Variants in PPFIA2 observed in about 807,000 individuals in gnomAD.
PPFIA2 encodes the protein PPFI scaffold protein A2.
PPFIA2 carries 46 observed loss-of-function variants against 175.5 expected under a neutral mutation model. The observed-to-expected ratio is 0.26, with a 90% confidence interval of 0.21 to 0.34. The LOEUF (loss-of-function observed/expected upper bound fraction) is 0.34. Ranked by LOEUF, PPFIA2 falls within the 10% of genes least tolerant of loss-of-function variation. PPFIA2 has a pLI of 1.00. For missense variants in PPFIA2, 1,179 were observed against 1,506.1 expected (o/e 0.78, Z 3.60); for synonymous variants, 568 against 511.4 (o/e 1.11, Z -1.49).
intron 28 of PPFIA2, among the ~76,000 whole-genome samples, chr12:81,273,683 CT>C (rs1490027499): frequency 2.6e-5 from 4 of 152,128 alleles, no homozygotes. Flanking sequence ...CTCTACTTAA[CT>C]CCTTTTGTGG....
intron 4 of PPFIA2, among the ~76,000 whole-genome samples, chr12:81,667,409 T>G (rs1349587707): frequency 3.3e-5 from 5 of 152,030 alleles, no homozygotes; most frequent in Non-Finnish European, 5.9e-5. Flanking sequence ...TTGAAAACCA[T>G]TAGAATTTCC....
At chr12:81,484,305 A>G (rs570038385) in intron 4 of PPFIA2, among the ~76,000 whole-genome samples, 4 of 152,146 alleles carry the variant, frequency 2.6e-5, no homozygotes, top group Non-Finnish European at 5.9e-5. Context: ...GGTTTTAACC[A>G]CAGTGATGCT....
At chr12:81,655,146 T>C (rs1282509780) in intron 4 of PPFIA2, among the ~76,000 whole-genome samples, 1 of 152,082 alleles carries the variant, frequency 6.6e-6, no homozygotes, top group Non-Finnish European at 1.5e-5. Context: ...GGACCTATAG[T>C]GATATACTCT....
intron 4 of PPFIA2, among the ~76,000 whole-genome samples, chr12:81,491,541 C>T (rs1042799660): frequency 3.3e-5 from 5 of 151,794 alleles, no homozygotes; most frequent in Non-Finnish European, 5.9e-5. Context: ...GAGGTAATTA[C>T]TGTTAGATAA....
intron 24 of PPFIA2, among the ~76,000 whole-genome samples, chr12:81,287,564 T>C (rs1361232778): frequency 1.3e-5 from 2 of 151,952 alleles, no homozygotes; most frequent in Non-Finnish European, 2.9e-5. Context: ...TATAGTCTTG[T>C]AAAAAGCCGA....
chr12:81,272,452 A>G, intron 28 of PPFIA2, among the ~76,000 whole-genome samples: 1 of 152,102 alleles, frequency 6.6e-6, no homozygotes, highest in East Asian at 1.9e-4. Flanking sequence ...ACTCTCTTCT[A>G]CTGTTAAACC....
At chr12:81,569,432 A>C (rs540931895) in intron 4 of PPFIA2, among the ~76,000 whole-genome samples, 31 of 152,248 alleles carry the variant, frequency 2.0e-4, no homozygotes, top group Admixed American at 1.9e-3. Flanking sequence ...AATAATCTAA[A>C]CTCCGACTAC....
chr12:81,611,773 A>G (rs1040675711), intron 4 of PPFIA2, among the ~76,000 whole-genome samples: 1 of 152,146 alleles, frequency 6.6e-6, no homozygotes, highest in Non-Finnish European at 1.5e-5. Flanking sequence ...TAGAGCTGCC[A>G]GCACACAAAA....
intron 24 of PPFIA2, chr12:81,292,595 G>A (rs376408730): frequency 6.6e-6 from 1 of 152,030 alleles, no homozygotes; most frequent in Admixed American, 6.6e-5. Context: ...TTTATTGTAC[G>A]AATGGAGCAT....
At chr12:81,620,434 T>G (rs973528769) in intron 4 of PPFIA2, among the ~76,000 whole-genome samples, 2 of 151,832 alleles carry the variant, frequency 1.3e-5, no homozygotes, top group East Asian at 1.9e-4. Context: ...TAATGCATCT[T>G]TTTTTTTGTA....
At chr12:81,480,209 A>T (rs763001816) in intron 4 of PPFIA2, among the ~76,000 whole-genome samples, 2 of 151,916 alleles carry the variant, frequency 1.3e-5, no homozygotes, top group Non-Finnish European at 2.9e-5. Context: ...TTCACTATTG[A>T]TACTTGTGTA....
intron 7 of PPFIA2, among the ~76,000 whole-genome samples, chr12:81,433,602 A>G (rs1027308191): frequency 6.6e-6 from 1 of 152,218 alleles, no homozygotes; most frequent in African/African-American, 2.4e-5. Context: ...CAACTTGTTC[A>G]TTTGATACAT....
intron 4 of PPFIA2, among the ~76,000 whole-genome samples, chr12:81,620,791 A>C (rs1567603782): frequency 3.3e-5 from 5 of 152,186 alleles, no homozygotes; most frequent in Admixed American, 3.3e-4. Flanking sequence ...AATCTGAAGT[A>C]AAAGGTTTCA....
chr12:81,494,758 G>T (rs572937733), intron 4 of PPFIA2, among the ~76,000 whole-genome samples: 3 of 151,848 alleles, frequency 2.0e-5, no homozygotes, highest in East Asian at 3.9e-4. Context: ...GGAATACTAT[G>T]CAGCCATAAA....
At chr12:81,293,689 G>A (rs1007332613) in intron 24 of PPFIA2, among the ~76,000 whole-genome samples, 1 of 151,932 alleles carries the variant, frequency 6.6e-6, no homozygotes, top group Non-Finnish European at 1.5e-5. Flanking sequence ...TACACTGTTG[G>A]TGGGAATGTA....
Position 81,294,943 on chromosome 12 carries a change from G to T in PPFIA2, c.2817C>A (p.Ile939=). The T allele has an allele frequency of 1.2e-6, 2 of 1,613,644 alleles. No homozygotes were observed. The highest frequency in any genetic ancestry group is 1.7e-6 in the Non-Finnish European group (2 of 1,179,758). Residue 939 remains isoleucine, a synonymous_variant, in exon 24 of 33, where the codon ATC becomes ATA. Coordinates refer to ENST00000549396, the MANE Select transcript of PPFIA2 (RefSeq NM_003625.5). ...GATTGCTGATTCCAATTTCTCTCTGGATCTCAGTGTCAGATAAAGCAGACA... is the reference window on the plus strand; with the variant it reads ...GATTGCTGATTCCAATTTCTCTCTGTATCTCAGTGTCAGATAAAGCAGACA... ...AIMSALSDTE[I]QREIGISNPL... is the part of the protein sequence containing the mutation.
At chr12:81,683,876 C>A (rs372254074) in intron 3 of PPFIA2, among the ~76,000 whole-genome samples, 37 of 152,164 alleles carry the variant, frequency 2.4e-4, no homozygotes, top group African/African-American at 8.2e-4. Flanking sequence ...AGGCTGCCCC[C>A]ACCTATGGCA....
At chr12:81,734,040 C>T (rs1270909554) in intron 3 of PPFIA2, among the ~76,000 whole-genome samples, 1 of 151,742 alleles carries the variant, frequency 6.6e-6, no homozygotes, top group Non-Finnish European at 1.5e-5. Context: ...GACCAATGAG[C>T]ACAGGAATGC....
At chr12:81,550,175 A>T (rs1453472505) in intron 4 of PPFIA2, among the ~76,000 whole-genome samples, 9 of 151,972 alleles carry the variant, frequency 5.9e-5, no homozygotes. Flanking sequence ...GGGAAAATGT[A>T]CAAATGAAGA....
Sources: allele counts gnomAD v4.1 joint callset (sites outside exome capture counted in the v4.1 genomes callset), GRCh38; gene constraint gnomAD v4.1.1; transcripts MANE v1.5; gene names NCBI Gene and HGNC (gene_info 2026-07-23, HGNC 2026-07-21).